The following OVGP1 variants were observed in gnomAD, a reference collection of about 807,000 sequenced individuals.
OVGP1 encodes oviduct-specific glycoprotein.
OVGP1 carries 26 observed loss-of-function variants against 48.2 expected under a neutral mutation model. That is an observed-to-expected ratio of 0.54 (90% confidence interval 0.40 to 0.75). The LOEUF is 0.75. OVGP1 is among the 30% of genes least tolerant of loss of function. The pLI is 0.00. For missense variants in OVGP1, 791 were observed against 820.6 expected, an observed-to-expected ratio of 0.96 and a Z score of 0.44; for synonymous variants, 294 against 305.7, an observed-to-expected ratio of 0.96 and a Z score of 0.40.
chr1:111,425,406 G>T lies in OVGP1; in HGVS notation c.294C>A (p.Gly98=). ...NRELKTLLSI[G]GWNFGTSRFT... is the part of the protein sequence containing the mutation. ...ACCTTGAGGTGCCAAAGTTCCACCC[G>T]CCGATGGACAGTAGTGTTTTCAGCT... The change falls in exon 4 of 11, where the codon GGC becomes GGA. Residue 98 remains glycine (G), a synonymous_variant. Transcript: ENST00000369732. The T allele has an allele frequency of 6.2e-7, 1 of 1,614,012 alleles. No individual in the cohort carries two copies. The highest frequency in any genetic ancestry group is 8.5e-7 in the Non-Finnish European group (1 of 1,179,956).
chr1:111,424,171 C>T lies in OVGP1; in HGVS notation c.318-463G>A, dbSNP rs571322457. ...TAGGGGAGAGAACATGAGTCAAGGG[C>T]CAGCATGTCCAGAAACATCTATGAG... On this transcript the variant is annotated intron_variant, in intron 4 of 10. Coordinates refer to ENST00000369732, the MANE Select transcript of OVGP1 (RefSeq NM_002557.4). 2.0e-5 allele frequency among the ~76,000 whole-genome samples: 3 copies of T among 152,338 alleles called. No homozygotes were observed. The South Asian group carries it at 6.2e-4, about 32-fold the overall frequency.
chr1:111,419,468 G>T, intron 9 of OVGP1, 142 bp downstream of exon 9: 1 of 653,594 alleles, frequency 1.5e-6, no homozygotes, highest in Non-Finnish European at 2.8e-6. Flanking sequence ...GAACTAAAAT[G>T]TAGGCATGCC....
intron 6 of OVGP1, among the ~76,000 whole-genome samples, chr1:111,422,391 T>C (rs745550420): frequency 4.6e-5 from 7 of 152,228 alleles, no homozygotes; most frequent in Non-Finnish European, 7.3e-5. Flanking sequence ...CTGTAAATAC[T>C]TGATTCTCAA....
intron 10 of OVGP1, 145 bp downstream of exon 10, chr1:111,416,178 T>C: frequency 1.2e-6 from 1 of 829,492 alleles, no homozygotes. Context: ...CAACAAAGAC[T>C]GGAAAACATA....
intron 8 of OVGP1, among the ~76,000 whole-genome samples, chr1:111,420,147 C>T (rs1652228686): frequency 6.6e-6 from 1 of 152,178 alleles, no homozygotes; most frequent in Non-Finnish European, 1.5e-5. Flanking sequence ...CAAACTAGCA[C>T]CTGAACTTCT....
At chr1:111,415,418 G>A (rs2101721639) in intron 10 of OVGP1, 74 bp from the exon 11 acceptor site, 1 of 1,386,506 alleles carries the variant, frequency 7.2e-7, no homozygotes, top group East Asian at 2.4e-5. Context: ...GGCAGAACTA[G>A]AACCAATCCA....
Position 111,415,186 on chromosome 1 carries a change from A to C in OVGP1, c.1315T>G (p.Cys439Gly). Residue 439 changes from cysteine (C) to glycine (G), a missense_variant, in exon 11 of 11, where the codon TGT (cysteine) becomes GGT (glycine). Coordinates refer to ENST00000369732, the MANE Select transcript of OVGP1 (RefSeq NM_002557.4). ...CTAGGGGTTATAGTCATATTTTCAC[A>C]CTTTCCGTGGATCTCAGTGACCCCA... ...EAGVTEIHGK[C>G]ENMTITPRGT... is the part of the protein sequence containing the mutation. 2 of 1,614,072 alleles carry C rather than the reference A, an allele frequency of 1.2e-6. No homozygotes were observed. Among genetic ancestry groups the C allele is most frequent in the Non-Finnish European group, 1.7e-6 (2 of 1,180,004 alleles).
Position 111,415,099 on chromosome 1 carries a change from C to T in OVGP1, c.1402G>A (p.Gly468Arg), listed in dbSNP as rs115512535. The T allele has an allele frequency of 7.8e-4, 1,265 of 1,614,186 alleles. 9 individuals carry two copies. The African/African-American group carries it at 0.016, about 20-fold the overall frequency. The change falls in exon 11 of 11, where the codon GGA becomes AGA. Residue 468 changes from glycine to arginine, a missense_variant. Coordinates refer to ENST00000369732, the MANE Select transcript of OVGP1 (RefSeq NM_002557.4). ...VSLGKHTVAL[G>R]EKTEITGAMT... is the part of the protein sequence containing the mutation. ...GCCCCAGTGATCTCAGTCTTCTCTC[C>T]TAGAGCTACAGTGTGCTTTCCAAGG...
chr1:111,416,674 A>G, intron 9 of OVGP1: 1 of 413,354 alleles, frequency 2.4e-6, no homozygotes, highest in Non-Finnish European at 4.3e-6. Context: ...TGTGAAAAAA[A>G]AAAAAGAGGA....
Position 111,425,277 on chromosome 1 carries a change from G to A in OVGP1, c.317+106C>T, listed in dbSNP as rs61055438. 2.3e-3 allele frequency: 2,956 copies of A among 1,285,362 alleles called. 28 individuals carry two copies. In the African/African-American group the frequency reaches 0.027, roughly 12 times the overall value. The allele number at this position is 1,285,362 out of a possible 1,614,324, so 79.6% of individuals were successfully genotyped here. On this transcript the variant is annotated intron_variant, in intron 4 of 10. Transcript: ENST00000369732. ...ATTCATGAGTTGGGGAAGTATTTGC[G>A]CTAGCTTTGCTGTCCGCATGGCCAA... is the stretch of plus-strand genomic sequence containing the variant.
In OVGP1 at chr1:111,423,676, C is replaced by T. The variant is rs770166287; in HGVS notation, c.350G>A (p.Arg117His). 3.5e-5 allele frequency: 56 copies of T among 1,613,968 alleles called. No individual in the cohort carries two copies. Among genetic ancestry groups the T allele is most frequent in the Admixed American group, 5.0e-5 (3 of 60,004 alleles). ...FTTMLSTFAN[R>H]EKFIASVISL... ...TATAACTGAAGCAATAAACTTTTCA[C>T]GGTTGGCAAATGTGGACAACATAGT... The change falls in exon 5 of 11, where the codon CGT (arginine) becomes CAT (histidine). Residue 117 changes from arginine to histidine, a missense_variant. Transcript: ENST00000369732.
chr1:111,426,534 T>C lies in OVGP1; in HGVS notation c.163A>G (p.Ile55Val). 1 of 1,614,030 alleles carries C rather than the reference T, an allele frequency of 6.2e-7. No homozygotes were observed. ...TTGTTCATTGAGGCAAAGGCAAATA[T>C]CAGGTGGGTGCAGAGAAAGGGGTCC... ...DLDPFLCTHL[I>V]FAFASMNNNQ... The change falls in exon 3 of 11, where the codon ATA becomes GTA. Residue 55 changes from isoleucine (I) to valine (V), a missense_variant. Coordinates refer to ENST00000369732, the MANE Select transcript of OVGP1 (RefSeq NM_002557.4).
chr1:111,415,373 A>G, intron 10 of OVGP1, 29 bp from the exon 11 acceptor site: 1 of 1,577,990 alleles, frequency 6.3e-7, no homozygotes, highest in Non-Finnish European at 8.6e-7. Context: ...AAAGAATGAG[A>G]TTCCTACCAC....
At chr1:111,420,818 G>A (rs944348368) in intron 8 of OVGP1, among the ~76,000 whole-genome samples, 8 of 152,184 alleles carry the variant, frequency 5.3e-5, no homozygotes, top group Non-Finnish European at 1.2e-4. Context: ...TCATCTAGTA[G>A]TAGGGAGGGA....
intron 9 of OVGP1, among the ~76,000 whole-genome samples, chr1:111,418,434 C>T (rs1652184768): frequency 6.6e-6 from 1 of 152,156 alleles, no homozygotes; most frequent in Non-Finnish European, 1.5e-5. Flanking sequence ...CTCTCTCCGC[C>T]CCAGCAGGCC....
chr1:111,415,416 T>C (rs1430708708), intron 10 of OVGP1, 72 bp from the exon 11 acceptor site: 1 of 1,397,600 alleles, frequency 7.2e-7, no homozygotes. Flanking sequence ...CTGGCAGAAC[T>C]AGAACCAATC....
chr1:111,425,484 G>A lies in OVGP1; in HGVS notation c.261-45C>T, dbSNP rs766685831. ...GTTGATGAGCTGGGTTCTTCACTCCGGTGGGCAGCTGCTGCCACATTCTTT... is the reference window on the plus strand; with the variant it reads ...GTTGATGAGCTGGGTTCTTCACTCCAGTGGGCAGCTGCTGCCACATTCTTT... On this transcript the variant is annotated intron_variant, in intron 3 of 10. Coordinates refer to ENST00000369732, the MANE Select transcript of OVGP1 (RefSeq NM_002557.4). 8.7e-6 allele frequency: 14 copies of A among 1,613,020 alleles called. 1 individual carries two copies. The highest frequency in any genetic ancestry group is 5.0e-5 in the Admixed American group (3 of 59,906).
intron 4 of OVGP1, among the ~76,000 whole-genome samples, chr1:111,424,348 T>C (rs1652348003): frequency 6.6e-6 from 1 of 152,246 alleles, no homozygotes; most frequent in Non-Finnish European, 1.5e-5. Context: ...GGAAAAATTC[T>C]AACTTATTGG....
At position 111,423,034 on chromosome 1, in the gene OVGP1, G is replaced by T; in HGVS notation, c.501C>A (p.Phe167Leu). ...GCATGGTGAGCAGTGCCTCCTTCCG[G>T]AAGGCAAACAGGAGCTCCTAAGAGG... ...LFLIEELLFA[F>L]RKEALLTMRP... The change falls in exon 6 of 11, where the codon TTC becomes TTA. Residue 167 changes from phenylalanine (F) to leucine (L), a missense_variant. Phe to Leu is a conservative substitution (Grantham distance 22, BLOSUM62 0). Transcript: ENST00000369732. 1 of 1,614,136 alleles carries T rather than the reference G, an allele frequency of 6.2e-7. No homozygotes were observed. The highest frequency in any genetic ancestry group is 8.5e-7 in the Non-Finnish European group (1 of 1,180,032).
Sources: allele counts gnomAD v4.1 joint callset (sites outside exome capture counted in the v4.1 genomes callset), GRCh38; gene constraint gnomAD v4.1.1; transcripts MANE v1.5; gene names NCBI Gene and HGNC (gene_info 2026-07-23, HGNC 2026-07-21).